PRAMEF12: variants seen among roughly 807,000 people sequenced by gnomAD.
PRAMEF12 encodes the protein PRAME family member 12.
In PRAMEF12, 24 loss-of-function variants were observed where a neutral mutation model predicts 24.6. The observed-to-expected ratio is 0.98, with a 90% CI of 0.71 to 1.37. The LOEUF is 1.37. Among genes scored for constraint, PRAMEF12 ranks in the 40% most tolerant of loss-of-function variants. The pLI, the probability that PRAMEF12 is intolerant of heterozygous loss-of-function variation, is 0.00. For missense variants in PRAMEF12, 646 were observed against 580.3 expected (o/e 1.11, Z -1.16); for synonymous variants, 286 against 242.6 (o/e 1.18, Z -1.66).
In PRAMEF12 at chr1:12,777,506, T is replaced by C. The variant is rs1055293909; in HGVS notation, c.1359T>C (p.Thr453=). The C allele has an allele frequency of 1.1e-5, 18 of 1,614,032 alleles. No individual in the cohort carries two copies. In the African/African-American group the frequency reaches 1.5e-4, roughly 13 times the overall value. The change falls in exon 3 of 3, where the codon ACT becomes ACC. Residue 453 remains threonine (T), a synonymous_variant. Coordinates refer to ENST00000357726, the MANE Select transcript of PRAMEF12 (RefSeq NM_001080830.5). ...AGCCCAAGATAATTGTGTTCAGCACTGTCCCCTGCCCTCGCTGTGGCATCA... is the reference window on the plus strand; with the variant it reads ...AGCCCAAGATAATTGTGTTCAGCACCGTCCCCTGCCCTCGCTGTGGCATCA... ...LRQPKIIVFS[T]VPCPRCGIRA...
rs1569698721 is a variant in PRAMEF12 at position 12,775,033 on chromosome 1, G to T, written c.166G>T (p.Val56Leu). 3 of 1,614,030 alleles carry T rather than the reference G, an allele frequency of 1.9e-6. No individual in the cohort carries two copies. In the South Asian group the frequency reaches 3.3e-5, roughly 18 times the overall value. ...ATGCTGCGAGACCCTGACAACTATG[G>T]TGCAGGCCTGGCCCTTCACCTGCCT... ...RRCCETLTTM[V>L]QAWPFTCLPL... The change falls in exon 1 of 3, where the codon GTG (valine) becomes TTG (leucine). Residue 56 changes from valine to leucine, a missense_variant. By Grantham distance (32) the Val-to-Leu change is conservative. Coordinates refer to ENST00000357726, the MANE Select transcript of PRAMEF12 (RefSeq NM_001080830.5).
At chr1:12,776,656 C>T (rs2100275019) in intron 2 of PRAMEF12, among the ~76,000 whole-genome samples, 1 of 152,240 alleles carries the variant, frequency 6.6e-6, no homozygotes, top group Middle Eastern at 3.4e-3. Context: ...ATGATACGGG[C>T]ATGTCAGGGT....
rs1420430371 is a variant in PRAMEF12 at position 12,777,207 on chromosome 1, G to C, written c.1060G>C (p.Asp354His). 6.2e-6 allele frequency: 10 copies of C among 1,612,802 alleles called. No homozygotes were observed. Among genetic ancestry groups the C allele is most frequent in the African/African-American group, 1.3e-5 (1 of 74,876 alleles). ...AGCTGAGGCCACCCTGCAGACCCTGGACTTAGAGGACTGTGGGATCGTGGA... is the reference window on the plus strand; with the variant it reads ...AGCTGAGGCCACCCTGCAGACCCTGCACTTAGAGGACTGTGGGATCGTGGA... Reference protein sequence around the residue: ...EQAEATLQTLDLEDCGIVDSQ... With the variant: ...EQAEATLQTLHLEDCGIVDSQ... Residue 354 changes from aspartate (D) to histidine (H), a missense_variant, in exon 3 of 3, where the codon GAC becomes CAC. By Grantham distance (81) the Asp-to-His change is moderately conservative (BLOSUM62 -1). Coordinates refer to ENST00000357726, the MANE Select transcript of PRAMEF12 (RefSeq NM_001080830.5).
At chr1:12,776,157 A>G (rs1639049350) in intron 2 of PRAMEF12, 39 bp downstream of exon 2, 2 of 1,587,392 alleles carry the variant, frequency 1.3e-6, no homozygotes, top group East Asian at 2.2e-5. Context: ...AGACCGCAGC[A>G]AAGACTTTCT....
intron 2 of PRAMEF12, 134 bp from the exon 3 acceptor site, chr1:12,776,877 G>A: frequency 1.1e-6 from 1 of 929,790 alleles, no homozygotes; most frequent in Non-Finnish European, 1.7e-6. Flanking sequence ...TGAATGAGCA[G>A]AGTCTCCATT....
chr1:12,775,503 C>G, intron 1 of PRAMEF12, 40 bp from the exon 2 acceptor site: 1 of 1,545,146 alleles, frequency 6.5e-7, no homozygotes, highest in Non-Finnish European at 8.8e-7. Context: ...AAGCTCAAAT[C>G]CTTCCTAAAT....
At position 12,774,814 on chromosome 1, in the gene PRAMEF12, T is replaced by C; in HGVS notation, c.-54T>C. Reference sequence around the variant, plus strand: ...CAATGACATTGGCACTAGGAGATGATGAAGTGATGTGATTTGCCGTAAGAA... The same window carrying C: ...CAATGACATTGGCACTAGGAGATGACGAAGTGATGTGATTTGCCGTAAGAA... On this transcript the variant is annotated 5_prime_UTR_variant, in exon 1 of 3. An upstream start codon of the reference 5' UTR is lost. Transcript: ENST00000357726. 4 of 1,504,994 alleles carry C rather than the reference T, an allele frequency of 2.7e-6. No individual in the cohort carries two copies. The highest frequency in any genetic ancestry group is 3.6e-6 in the Non-Finnish European group (4 of 1,116,114). The allele number at this position is 1,504,994 out of a possible 1,614,324, so 93.2% of individuals were successfully genotyped here. A position where few individuals can be genotyped will look rare whatever the true frequency, so the allele number is the denominator to read the frequency against.
Position 12,774,704 on chromosome 1 carries a change from C to T in PRAMEF12, c.-164C>T. The T allele has an allele frequency of 1.5e-6, 1 of 651,288 alleles. No homozygotes were observed. The highest frequency in any genetic ancestry group is 2.6e-6 in the Non-Finnish European group (1 of 388,614). 40.3% of individuals were successfully genotyped at this position (651,288 alleles called of 1,614,324 possible). A position where few individuals can be genotyped will look rare whatever the true frequency, so the allele number is the denominator to read the frequency against. ...GTTTGGAAGACATTCTTTATGGTAC[C>T]AGCAAGGGCAGAATTACAGATTTGT... On this transcript the variant is annotated 5_prime_UTR_variant, in exon 1 of 3. The change creates a premature stop within an existing upstream ORF in the 5' untranslated region. Transcript: ENST00000357726.
In PRAMEF12 at chr1:12,775,966, C is replaced by T; in HGVS notation, c.711C>T (p.Leu237=). 1 of 1,614,176 alleles carries T rather than the reference C, an allele frequency of 6.2e-7. No homozygotes were observed. The highest frequency in any genetic ancestry group is 8.5e-7 in the Non-Finnish European group (1 of 1,180,036). The change falls in exon 2 of 3, where the codon CTC becomes CTT. Residue 237 remains leucine (L), a synonymous_variant. Coordinates refer to ENST00000357726, the MANE Select transcript of PRAMEF12 (RefSeq NM_001080830.5). The part of the protein sequence containing the change: ...GQMRNLRKLV[L]FNIHVSACIP... ...TGAGGAATCTCCGCAAACTTGTTCTCTTCAACATCCATGTCTCTGCCTGCA... is the reference window on the plus strand; with the variant it reads ...TGAGGAATCTCCGCAAACTTGTTCTTTTCAACATCCATGTCTCTGCCTGCA...
In PRAMEF12 at chr1:12,774,878, A is replaced by T; in HGVS notation, c.11A>T (p.Gln4Leu). The change falls in exon 1 of 3, where the codon CAG becomes CTG. Residue 4 changes from glutamine to leucine, a missense_variant. Gln to Leu is a moderately radical substitution (Grantham distance 113). Coordinates refer to ENST00000357726, the MANE Select transcript of PRAMEF12 (RefSeq NM_001080830.5). MSL[Q>L]APPRLLELAE... Reference sequence around the variant, plus strand: ...TCTAGATTCATCAGGATGAGCCTCCAGGCCCCACCTAGACTCCTGGAGCTG... The same window carrying T: ...TCTAGATTCATCAGGATGAGCCTCCTGGCCCCACCTAGACTCCTGGAGCTG... 6.2e-7 allele frequency: 1 copy of T among 1,602,884 alleles called. No homozygotes were observed. Among genetic ancestry groups the T allele is most frequent in the Admixed American group, 1.7e-5 (1 of 57,870 alleles).
chr1:12,776,163 T>G (rs745674549), intron 2 of PRAMEF12, 45 bp downstream of exon 2: 1 of 1,576,266 alleles, frequency 6.3e-7, no homozygotes, highest in South Asian at 1.1e-5. Flanking sequence ...CAGCAAAGAC[T>G]TTCTTTATTA....
rs1236187424 is a variant in PRAMEF12, at chr1:12,775,512, A to C, written c.288-31A>C. 1.9e-6 allele frequency: 3 copies of C among 1,568,580 alleles called. No individual in the cohort carries two copies. In the Admixed American group the frequency reaches 5.6e-5, roughly 30 times the overall value. ...GGATAAAAGCTCAAATCCTTCCTAAATTTGGAGCCTCTCTTCTCTTTTACC... is the reference window on the plus strand; with the variant it reads ...GGATAAAAGCTCAAATCCTTCCTAACTTTGGAGCCTCTCTTCTCTTTTACC... On this transcript the variant is annotated intron_variant, in intron 1 of 2. Coordinates refer to ENST00000357726, the MANE Select transcript of PRAMEF12 (RefSeq NM_001080830.5).
Position 12,774,439 on chromosome 1 carries a change from A to T in PRAMEF12, c.-429A>T, listed in dbSNP as rs1639019006. Among the ~76,000 whole-genome samples the T allele has an allele frequency of 6.6e-6, 1 of 152,236 alleles. No individual in the cohort carries two copies. Among genetic ancestry groups the T allele is most frequent in the African/African-American group, 2.4e-5 (1 of 41,462 alleles). On this transcript the variant is annotated 5_prime_UTR_variant, in exon 1 of 3. The change creates a new upstream start codon in the 5' untranslated region. Coordinates refer to ENST00000357726, the MANE Select transcript of PRAMEF12 (RefSeq NM_001080830.5). Reference sequence around the variant, plus strand: ...ATAAAAAATAATGGCGCTGATTCCAAGGAGTCCCTTTAGTCTTCTGCAAGC... The same window carrying T: ...ATAAAAAATAATGGCGCTGATTCCATGGAGTCCCTTTAGTCTTCTGCAAGC...
rs375787391 is a variant in PRAMEF12, at chr1:12,776,067, T to C, written c.812T>C (p.Leu271Pro). The stretch of plus-strand genomic sequence containing the variant: ...CTCAAGCTGGACTACTTCCAGAAGC[T>C]TTACATGCACTCTGTCTCTTTCCTC... Reference protein sequence around the residue: ...QFLKLDYFQKLYMHSVSFLEG... With the variant: ...QFLKLDYFQKPYMHSVSFLEG... The change falls in exon 2 of 3, where the codon CTT becomes CCT. Residue 271 changes from leucine (L) to proline (P), a missense_variant. By Grantham distance (98) the Leu-to-Pro change is moderately conservative. Transcript: ENST00000357726. The C allele has an allele frequency of 6.2e-7, 1 of 1,614,052 alleles. No homozygotes were observed. Among genetic ancestry groups the C allele is most frequent in the Non-Finnish European group, 8.5e-7 (1 of 1,180,040 alleles).
rs1557588986 is a variant in PRAMEF12, at chr1:12,775,771, A to T, written c.516A>T (p.Arg172Ser). ...LTHFLEWGKQ[R>S]KGLLHVCCKE... Reference sequence around the variant, plus strand: ...ACTTCTTAGAGTGGGGCAAGCAGAGAAAAGGCTTACTGCACGTGTGTTGCA... The same window carrying T: ...ACTTCTTAGAGTGGGGCAAGCAGAGTAAAGGCTTACTGCACGTGTGTTGCA... Residue 172 changes from arginine to serine, a missense_variant, in exon 2 of 3, where the codon AGA becomes AGT. By Grantham distance (110) the Arg-to-Ser change is moderately radical. Transcript: ENST00000357726. The T allele has an allele frequency of 2.5e-6, 4 of 1,613,746 alleles. No individual in the cohort carries two copies. In the South Asian group the frequency reaches 4.4e-5, roughly 18 times the overall value.
In PRAMEF12 at chr1:12,774,896, T is replaced by C; in HGVS notation, c.29T>C (p.Leu10Pro). Residue 10 changes from leucine to proline, a missense_variant, in exon 1 of 3, where the codon CTG becomes CCG. By Grantham distance (98) the Leu-to-Pro change is moderately conservative. Transcript: ENST00000357726. ...AGCCTCCAGGCCCCACCTAGACTCCTGGAGCTGGCTGAGCAGAGTCTGCTG... is the reference window on the plus strand; with the variant it reads ...AGCCTCCAGGCCCCACCTAGACTCCCGGAGCTGGCTGAGCAGAGTCTGCTG... MSLQAPPRL[L>P]ELAEQSLLRD... is the part of the protein sequence containing the mutation. 2 of 1,612,352 alleles carry C rather than the reference T, an allele frequency of 1.2e-6. No individual in the cohort carries two copies. The highest frequency in any genetic ancestry group is 1.7e-6 in the Non-Finnish European group (2 of 1,179,066).
Position 12,775,543 on chromosome 1 carries a change from G to A in PRAMEF12, c.288G>A (p.Arg96=), listed in dbSNP as rs1038695821. 1.2e-6 allele frequency: 2 copies of A among 1,606,136 alleles called. No homozygotes were observed. The highest frequency in any genetic ancestry group is 1.7e-6 in the Non-Finnish European group (2 of 1,175,178). ...AGCCTCTCTTCTCTTTTACCCACAG[G>A]CGGTGGAAACTTCAAGTGTTGGACT... is the stretch of plus-strand genomic sequence containing the variant. ...DALLAQKVRP[R]RWKLQVLDLR... Residue 96 remains arginine, a splice_region_variant and synonymous_variant, in exon 2 of 3, where the codon AGG becomes AGA. Coordinates refer to ENST00000357726, the MANE Select transcript of PRAMEF12 (RefSeq NM_001080830.5).
chr1:12,777,539 C>T lies in PRAMEF12; in HGVS notation c.1392C>T (p.Ser464=), dbSNP rs1178933920. The change falls in exon 3 of 3, where the codon TCC becomes TCT. Residue 464 remains serine (S), a synonymous_variant. Transcript: ENST00000357726. ...VPCPRCGIRA[S]YDLEPSHCLL... ...GCCCTCGCTGTGGCATCAGGGCCTC[C>T]TATGACCTGGAGCCCAGTCACTGTC... 3 of 1,614,008 alleles carry T rather than the reference C, an allele frequency of 1.9e-6. No homozygotes were observed. The highest frequency in any genetic ancestry group is 2.2e-5 in the East Asian group (1 of 44,884).
rs766703190 is a variant in PRAMEF12, at chr1:12,776,066, C to A, written c.811C>A (p.Leu271Ile). The A allele has an allele frequency of 4.3e-6, 7 of 1,614,062 alleles. No homozygotes were observed. The highest frequency in any genetic ancestry group is 4.5e-5 in the East Asian group (2 of 44,902). ...CCTCAAGCTGGACTACTTCCAGAAG[C>A]TTTACATGCACTCTGTCTCTTTCCT... is the stretch of plus-strand genomic sequence containing the variant. ...QFLKLDYFQK[L>I]YMHSVSFLEG... The change falls in exon 2 of 3, where the codon CTT (leucine) becomes ATT (isoleucine). Residue 271 changes from leucine to isoleucine, a missense_variant. Coordinates refer to ENST00000357726, the MANE Select transcript of PRAMEF12 (RefSeq NM_001080830.5).
Sources: allele counts gnomAD v4.1 joint callset (sites outside exome capture counted in the v4.1 genomes callset), GRCh38; gene constraint gnomAD v4.1.1; transcripts MANE v1.5; gene names NCBI Gene and HGNC (gene_info 2026-07-23, HGNC 2026-07-21).